DGKB: variants seen among roughly 807,000 people sequenced by gnomAD.
DGKB encodes diacylglycerol kinase beta, also known as 90 kDa diacylglycerol kinase.
DGKB carries 67 observed loss-of-function variants against 114.3 expected under a neutral mutation model. The observed-to-expected ratio is 0.59, with a 90% CI of 0.48 to 0.72. DGKB has a LOEUF of 0.72. Ranked by LOEUF, DGKB falls within the 30% of genes least tolerant of loss-of-function variation. DGKB has a pLI of 0.00. For synonymous variants in DGKB, 398 were observed against 323.1 expected (o/e 1.23, Z -2.49); for missense variants, 907 against 975.2 (o/e 0.93, Z 0.93).
chr7:14,426,776 C>G (rs1037298330), intron 21 of DGKB, among the ~76,000 whole-genome samples: 3 of 152,050 alleles, frequency 2.0e-5, no homozygotes, highest in African/African-American at 7.2e-5. Context: ...CACTATGGGC[C>G]AAGCGTGGCA....
At position 14,354,997 on chromosome 7, in the gene DGKB, C is replaced by T. The variant is rs139701186; in HGVS notation, c.1836-9606G>A. ...TCAAGGTAGTGCCCACTGGAAAACC[C>T]GAATAACCTTCCTAGGCAGCAGAAA... On this transcript the variant is annotated intron_variant, in intron 21 of 25. Transcript: ENST00000402815. Among the ~76,000 whole-genome samples the T allele has an allele frequency of 5.1e-4, 78 of 152,222 alleles. 1 individual carries two copies. Among genetic ancestry groups the T allele is most frequent in the African/African-American group, 1.7e-3 (72 of 41,520 alleles).
intron 1 of DGKB, among the ~76,000 whole-genome samples, chr7:14,941,207 A>T (rs1785553925): frequency 6.6e-6 from 1 of 152,134 alleles, no homozygotes; most frequent in African/African-American, 2.4e-5. Flanking sequence ...TTTTGTCATT[A>T]AAAATGACCA....
At chr7:14,244,054 GGA>G (rs34158469) in intron 23 of DGKB, among the ~76,000 whole-genome samples, 34,110 of 150,464 alleles carry the variant, frequency 0.23, 4,639 homozygotes, top group East Asian at 0.38. Context: ...AGAGAGAGAG[GGA>G]GAGAGAGAGA....
At chr7:14,915,865 A>G (rs201777223) in intron 1 of DGKB, among the ~76,000 whole-genome samples, 5 of 152,278 alleles carry the variant, frequency 3.3e-5, no homozygotes, top group East Asian at 3.9e-4. Flanking sequence ...ATAAAAATAT[A>G]TAGTTCAGAA....
intron 20 of DGKB, among the ~76,000 whole-genome samples, chr7:14,554,454 A>G (rs942321001): frequency 6.6e-6 from 1 of 152,142 alleles, no homozygotes; most frequent in African/African-American, 2.4e-5. Flanking sequence ...AGGTTTCCCA[A>G]CTATTATGTC....
intron 21 of DGKB, among the ~76,000 whole-genome samples, chr7:14,437,287 T>C (rs900348893): frequency 6.0e-5 from 8 of 133,912 alleles, no homozygotes; most frequent in African/African-American, 2.0e-4. Flanking sequence ...ACCAAGTCCA[T>C]AAGAATAGAG....
In DGKB at chr7:14,348,923, G is replaced by T. The variant is rs149440497; in HGVS notation, c.1836-3532C>A. Among the ~76,000 whole-genome samples, 538 of 151,976 alleles carry T rather than the reference G, an allele frequency of 3.5e-3. 1 individual carries two copies. Among genetic ancestry groups the T allele is most frequent in the East Asian group, 7.0e-3 (36 of 5,128 alleles). On this transcript the variant is annotated intron_variant, in intron 21 of 25. Transcript: ENST00000402815. ...AATACCGACTAACAAGTGTGGTAGG[G>T]TCTGTTTCAGAACATGTAAACAAAG...
intron 13 of DGKB, among the ~76,000 whole-genome samples, chr7:14,639,880 A>G (rs1406392925): frequency 6.6e-6 from 1 of 152,230 alleles, no homozygotes; most frequent in Non-Finnish European, 1.5e-5. Context: ...TTTAGTAAGG[A>G]TAGCAAGAAC....
At chr7:14,878,922 G>A (rs1486340503) in intron 1 of DGKB, among the ~76,000 whole-genome samples, 1 of 149,410 alleles carries the variant, frequency 6.7e-6, no homozygotes, top group Non-Finnish European at 1.5e-5. Flanking sequence ...AGATCTGCCG[G>A]CCATTCTACT....
intron 20 of DGKB, among the ~76,000 whole-genome samples, chr7:14,504,864 C>A (rs1024591668): frequency 2.0e-5 from 3 of 152,116 alleles, no homozygotes; most frequent in Admixed American, 6.6e-5. Context: ...TAGATGATTT[C>A]TTTTAACCAA....
At chr7:14,682,407 C>T (rs1364318855) in intron 12 of DGKB, 146 bp downstream of exon 12, 14 of 630,830 alleles carry the variant, frequency 2.2e-5, no homozygotes, top group Non-Finnish European at 3.4e-5. Flanking sequence ...TATCTCTTTG[C>T]AAACAAGCTG....
In DGKB at chr7:14,157,272, C is replaced by T. The variant is rs532031104; in HGVS notation, c.2305-8034G>A. 5.3e-5 allele frequency among the ~76,000 whole-genome samples: 8 copies of T among 151,978 alleles called. No individual in the cohort carries two copies. In the East Asian group the frequency reaches 1.2e-3, roughly 22 times the overall value. On this transcript the variant is annotated intron_variant, in intron 25 of 25. Coordinates refer to ENST00000402815, the MANE Select transcript of DGKB (RefSeq NM_001350709.2). Reference sequence around the variant, plus strand: ...TTTTGAATTCATGTGTGTAGCTGAGCCATATGACAGCGGGAATAAAGTACA... The same window carrying T: ...TTTTGAATTCATGTGTGTAGCTGAGTCATATGACAGCGGGAATAAAGTACA...
At chr7:14,746,925 A>G (rs944810020) in intron 4 of DGKB, among the ~76,000 whole-genome samples, 6 of 150,418 alleles carry the variant, frequency 4.0e-5, no homozygotes, top group African/African-American at 1.5e-4. Flanking sequence ...GAGACAAATA[A>G]CAACTTTTAT....
At chr7:14,878,523 A>G (rs1387159626) in intron 1 of DGKB, among the ~76,000 whole-genome samples, 2 of 152,152 alleles carry the variant, frequency 1.3e-5, no homozygotes, top group African/African-American at 4.8e-5. Context: ...AGGCAGGTGG[A>G]TCACAAGGTC....
intron 1 of DGKB, among the ~76,000 whole-genome samples, chr7:14,884,705 T>C (rs922008437): frequency 3.9e-5 from 6 of 151,930 alleles, no homozygotes; most frequent in Non-Finnish European, 7.4e-5. Context: ...ATGAATAAAA[T>C]AAGAATCAAT....
intron 2 of DGKB, among the ~76,000 whole-genome samples, chr7:14,789,757 C>G (rs955564408): frequency 6.6e-6 from 1 of 152,176 alleles, no homozygotes; most frequent in Admixed American, 6.5e-5. Flanking sequence ...TGGTCTCATA[C>G]AGGCTTTTAT....
chr7:14,587,853 T>C (rs778178709), intron 17 of DGKB, among the ~76,000 whole-genome samples: 2 of 152,174 alleles, frequency 1.3e-5, no homozygotes, highest in Non-Finnish European at 2.9e-5. Flanking sequence ...GCACATTTAA[T>C]AGACAACAGT....
chr7:14,941,495 G>T (rs1785569559), intron 1 of DGKB, among the ~76,000 whole-genome samples: 1 of 151,862 alleles, frequency 6.6e-6, no homozygotes, highest in Non-Finnish European at 1.5e-5. Context: ...TAATTAAATG[G>T]GTTTCATACA....
chr7:14,256,208 T>C (rs1324348978), intron 23 of DGKB, among the ~76,000 whole-genome samples: 1 of 152,124 alleles, frequency 6.6e-6, no homozygotes, highest in East Asian at 1.9e-4. Flanking sequence ...CCACATACTC[T>C]GCATTACTGC....
Sources: allele counts gnomAD v4.1 joint callset (sites outside exome capture counted in the v4.1 genomes callset), GRCh38; gene constraint gnomAD v4.1.1; transcripts MANE v1.5; gene names NCBI Gene and HGNC (gene_info 2026-07-23, HGNC 2026-07-21).